The following ROBO2 variants were observed in gnomAD, a reference collection of about 807,000 sequenced individuals.
ROBO2 encodes the protein roundabout guidance receptor 2.
A neutral mutation model predicts 160.8 loss-of-function variants in ROBO2; 53 were observed. The observed-to-expected ratio is 0.33, with a 90% confidence interval of 0.26 to 0.41. The LOEUF is 0.41. ROBO2 is among the 10% of genes least tolerant of loss of function. The probability of loss-of-function intolerance (pLI) is 1.00; values close to 1 mark genes in which losing one functional copy is unlikely to be tolerated. For synonymous variants in ROBO2, 664 were observed against 611.7 expected (o/e 1.09, Z -1.26); for missense variants, 1,577 against 1,722.4 (o/e 0.92, Z 1.49).
chr3:77,368,508 G>T (rs1474930582), intron 2 of ROBO2, among the ~76,000 whole-genome samples: 1 of 152,052 alleles, frequency 6.6e-6, no homozygotes, highest in Non-Finnish European at 1.5e-5. Flanking sequence ...GAATTTCAAG[G>T]ATTATGTCCT....
chr3:77,107,136 G>A (rs574824174), intron 2 of ROBO2, among the ~76,000 whole-genome samples: 3 of 152,296 alleles, frequency 2.0e-5, no homozygotes, highest in South Asian at 2.1e-4. Flanking sequence ...GTTCATAGAC[G>A]GCATCCTCAC....
intron 8 of ROBO2, among the ~76,000 whole-genome samples, chr3:77,551,420 A>G (rs2092917308): frequency 6.6e-6 from 1 of 152,068 alleles, no homozygotes; most frequent in Non-Finnish European, 1.5e-5. Flanking sequence ...GGACATTCCT[A>G]TGATTTTAAT....
intron 2 of ROBO2, among the ~76,000 whole-genome samples, chr3:76,524,545 T>C (rs1165012777): frequency 1.3e-5 from 2 of 151,820 alleles, no homozygotes; most frequent in Non-Finnish European, 2.9e-5. Flanking sequence ...CTAATACCTA[T>C]GATTTAGAGA....
At chr3:76,967,745 G>A (rs1000048214) in intron 2 of ROBO2, among the ~76,000 whole-genome samples, 8 of 146,468 alleles carry the variant, frequency 5.5e-5, no homozygotes, top group African/African-American at 2.0e-4. Flanking sequence ...GGGTCTTGCC[G>A]TATTGCCCAG....
chr3:76,935,478 G>A (rs2077637707), intron 2 of ROBO2, among the ~76,000 whole-genome samples: 1 of 152,098 alleles, frequency 6.6e-6, no homozygotes, highest in African/African-American at 2.4e-5. Context: ...TCTAATCTGG[G>A]ACAGTTCCTC....
chr3:76,718,490 A>G (rs1472091408), intron 2 of ROBO2, among the ~76,000 whole-genome samples: 1 of 152,236 alleles, frequency 6.6e-6, no homozygotes. Flanking sequence ...TTCTTAGTTG[A>G]AAGATAGACA....
At chr3:76,367,222 C>T (rs2108447533) in intron 2 of ROBO2, among the ~76,000 whole-genome samples, 1 of 152,122 alleles carries the variant, frequency 6.6e-6, no homozygotes, top group Non-Finnish European at 1.5e-5. Context: ...TCTGATCTAA[C>T]ATTCTGAACA....
intron 2 of ROBO2, among the ~76,000 whole-genome samples, chr3:76,580,012 G>C (rs755433037): frequency 6.6e-6 from 1 of 152,180 alleles, no homozygotes; most frequent in Admixed American, 6.5e-5. Flanking sequence ...TTTGCTAGAG[G>C]CCACCTAAAG....
intron 5 of ROBO2, among the ~76,000 whole-genome samples, chr3:77,500,380 T>C (rs1007978510): frequency 1.3e-5 from 2 of 152,198 alleles, no homozygotes; most frequent in African/African-American, 4.8e-5. Context: ...ACTTAGAATC[T>C]GTCTAGCATG....
intron 2 of ROBO2, among the ~76,000 whole-genome samples, chr3:77,360,469 C>T (rs1002130517): frequency 1.4e-4 from 21 of 152,074 alleles, no homozygotes; most frequent in Non-Finnish European, 2.2e-4. Context: ...CAGTCAGTAT[C>T]TATTATCATA....
intron 2 of ROBO2, among the ~76,000 whole-genome samples, chr3:76,532,638 C>T (rs970160769): frequency 2.6e-5 from 4 of 152,162 alleles, no homozygotes; most frequent in Non-Finnish European, 4.4e-5. Flanking sequence ...ACCGTTCTAG[C>T]AACTCACAGT....
chr3:76,668,936 G>A (rs17014493), intron 2 of ROBO2, among the ~76,000 whole-genome samples: 3,657 of 152,188 alleles, frequency 0.024, 147 homozygotes, highest in African/African-American at 0.079. Context: ...GAGGGCAACC[G>A]GAAAATCTGC....
At chr3:77,124,459 G>C (rs1482073221) in intron 2 of ROBO2, among the ~76,000 whole-genome samples, 6 of 152,150 alleles carry the variant, frequency 3.9e-5, no homozygotes, top group Admixed American at 2.0e-4. Context: ...GCTAACAGGA[G>C]CCACAAATGC....
chr3:76,745,218 C>T (rs1163059798), intron 2 of ROBO2, among the ~76,000 whole-genome samples: 2 of 151,866 alleles, frequency 1.3e-5, no homozygotes, highest in Non-Finnish European at 1.5e-5. Flanking sequence ...ATTGGTGGAT[C>T]GATAGATCAA....
At chr3:77,245,960 A>G (rs1291855616) in intron 2 of ROBO2, among the ~76,000 whole-genome samples, 1 of 152,226 alleles carries the variant, frequency 6.6e-6, no homozygotes, top group Non-Finnish European at 1.5e-5. Context: ...TAACTAAGAT[A>G]AGCATTTCAA....
intron 2 of ROBO2, among the ~76,000 whole-genome samples, chr3:76,330,895 C>G (rs1450899520): frequency 1.3e-5 from 2 of 152,162 alleles, no homozygotes; most frequent in Non-Finnish European, 2.9e-5. Context: ...GGTTTACTAC[C>G]TAGCACAGCC....
At chr3:76,982,384 G>A (rs1036471807) in intron 2 of ROBO2, among the ~76,000 whole-genome samples, 3 of 152,104 alleles carry the variant, frequency 2.0e-5, no homozygotes, top group African/African-American at 7.2e-5. Context: ...AATTGACTGC[G>A]ATGTAGGGTT....
chr3:77,178,388 T>C (rs2150813054), intron 2 of ROBO2, among the ~76,000 whole-genome samples: 1 of 152,186 alleles, frequency 6.6e-6, no homozygotes, highest in Non-Finnish European at 1.5e-5. Context: ...TGGTTGGCTT[T>C]GTTTCTTAAA....
chr3:76,037,024 A>G (rs2067131605), intron 2 of ROBO2, among the ~76,000 whole-genome samples: 1 of 151,668 alleles, frequency 6.6e-6, no homozygotes, highest in Admixed American at 6.6e-5. Flanking sequence ...TTGTCTTCTG[A>G]TTTCGACTCC....
Sources: gnomAD v4.1 joint callset for allele counts (sites outside exome capture counted in the v4.1 genomes callset) on GRCh38, gnomAD v4.1.1 for gene constraint, MANE v1.5 for transcripts, NCBI Gene and HGNC (gene_info 2026-07-23, HGNC 2026-07-21) for gene names.